TIAM1: variants seen among roughly 807,000 people sequenced by gnomAD.
TIAM1 encodes rho guanine nucleotide exchange factor TIAM1.
Under a neutral mutation model 163.5 loss-of-function variants are expected in TIAM1, and 65 were observed. The ratio of observed to expected loss-of-function variants is 0.40; its 90% CI spans 0.33 to 0.49. TIAM1 has a LOEUF of 0.49. Among genes scored for constraint, TIAM1 ranks in the 20% least tolerant of loss-of-function variants. The pLI, the probability that TIAM1 is intolerant of heterozygous loss-of-function variation, is 0.77. For synonymous variants in TIAM1, 833 were observed against 810.1 expected (o/e 1.03, Z -0.48); for missense variants, 1,789 against 2,044.7 (o/e 0.87, Z 2.41).
chr21:31,457,008 T>G (rs142009948), intron 2 of TIAM1, among the ~76,000 whole-genome samples: 1 of 152,254 alleles, frequency 6.6e-6, no homozygotes. Flanking sequence ...CCTTTTGCAA[T>G]GTTTTTCACA....
chr21:31,554,120 A>AT (rs1216421627), intron 1 of TIAM1, among the ~76,000 whole-genome samples: 1 of 152,040 alleles, frequency 6.6e-6, no homozygotes, highest in African/African-American at 2.4e-5. Flanking sequence ...CAAAGCCAGG[A>AT]TTTTTTGGCA....
intron 2 of TIAM1, among the ~76,000 whole-genome samples, chr21:31,288,012 AG>A (rs1238382601): frequency 7.2e-5 from 11 of 152,130 alleles, no homozygotes; most frequent in Non-Finnish European, 1.6e-4. Context: ...GGAAAGAAGG[AG>A]GAAGAACAAG....
At chr21:31,446,893 AG>A (rs1360515980) in intron 2 of TIAM1, among the ~76,000 whole-genome samples, 2 of 152,230 alleles carry the variant, frequency 1.3e-5, no homozygotes, top group Admixed American at 6.5e-5. Flanking sequence ...TTCATCTTAA[AG>A]AAAAGATTTA....
intron 2 of TIAM1, among the ~76,000 whole-genome samples, chr21:31,301,611 G>A (rs917024758): frequency 1.8e-4 from 28 of 152,188 alleles, no homozygotes; most frequent in Admixed American, 6.5e-4. Flanking sequence ...AGGCAGAAGA[G>A]AGTGGATCAC....
At chr21:31,205,363 A>G (rs2086397055) in intron 11 of TIAM1, among the ~76,000 whole-genome samples, 1 of 152,186 alleles carries the variant, frequency 6.6e-6, no homozygotes, top group African/African-American at 2.4e-5. Flanking sequence ...ATCATCATTA[A>G]TAAACACTTT....
intron 2 of TIAM1, among the ~76,000 whole-genome samples, chr21:31,319,288 C>T (rs1416795028): frequency 1.3e-5 from 2 of 151,714 alleles, no homozygotes; most frequent in African/African-American, 2.4e-5. Flanking sequence ...TAGTTGAGTC[C>T]CCGTTTTCAA....
chr21:31,337,200 G>A (rs2075868516), intron 2 of TIAM1, among the ~76,000 whole-genome samples: 1 of 152,148 alleles, frequency 6.6e-6, no homozygotes, highest in Non-Finnish European at 1.5e-5. Flanking sequence ...AGGTAGGGGA[G>A]ATCTTGAAGG....
intron 27 of TIAM1, 83 bp downstream of exon 27, chr21:31,124,439 C>G: frequency 6.4e-7 from 1 of 1,567,066 alleles, no homozygotes; most frequent in Non-Finnish European, 8.6e-7. Context: ...CTCACCCCCA[C>G]TCAACAAGGA....
At chr21:31,481,657 A>G (rs746583344) in intron 1 of TIAM1, among the ~76,000 whole-genome samples, 1 of 152,156 alleles carries the variant, frequency 6.6e-6, no homozygotes, top group Non-Finnish European at 1.5e-5. Flanking sequence ...CTGTTTTATG[A>G]TCAAGGACAC....
chr21:31,273,104 T>G (rs575654186), intron 3 of TIAM1, among the ~76,000 whole-genome samples: 3 of 152,150 alleles, frequency 2.0e-5, no homozygotes, highest in African/African-American at 7.2e-5. Flanking sequence ...TAAAAAAAGA[T>G]CAAAACCTGA....
In TIAM1 at chr21:31,281,098, A is replaced by AC. The variant is rs201808895; in HGVS notation, c.-188-4191_-188-4190insG. 2.4e-4 allele frequency among the ~76,000 whole-genome samples: 36 copies of AC among 150,378 alleles called. No individual in the cohort carries two copies. In the East Asian group the frequency reaches 6.6e-3, roughly 27 times the overall value. On this transcript the variant is annotated intron_variant, in intron 2 of 27. Coordinates refer to ENST00000541036, the MANE Select transcript of TIAM1 (RefSeq NM_001353694.2). ...GAGACCCTAACTCAAAAAAAAAAAA[A>AC]AAAAAAAAAACAACGACAAAAAAAC...
intron 2 of TIAM1, among the ~76,000 whole-genome samples, chr21:31,328,541 T>C (rs937281143): frequency 2.0e-5 from 3 of 151,038 alleles, no homozygotes; most frequent in Non-Finnish European, 4.4e-5. Context: ...TGGCTTATTA[T>C]TATTTTTTTT....
At chr21:31,413,052 T>C (rs12626872) in intron 2 of TIAM1, among the ~76,000 whole-genome samples, 8,878 of 152,112 alleles carry the variant, frequency 0.058, 322 homozygotes, top group East Asian at 0.11. Context: ...CTGCAATCTA[T>C]GCATGTAACA....
At chr21:31,283,575 T>G (rs2073666756) in intron 2 of TIAM1, among the ~76,000 whole-genome samples, 1 of 151,384 alleles carries the variant, frequency 6.6e-6, no homozygotes, top group Non-Finnish European at 1.5e-5. Flanking sequence ...GATGAAGTGT[T>G]GCTCTGTCGC....
chr21:31,278,071 A>C (rs933535268), intron 2 of TIAM1, among the ~76,000 whole-genome samples: 1 of 152,282 alleles, frequency 6.6e-6, no homozygotes, highest in South Asian at 2.1e-4. Flanking sequence ...CTCAATCTTC[A>C]GAGTCTCAAG....
In TIAM1 at chr21:31,557,565, G is replaced by C. The variant is rs74771618; in HGVS notation, c.-422+1362C>G. Among the ~76,000 whole-genome samples the C allele has an allele frequency of 3.9e-3, 594 of 152,276 alleles. 6 individuals carry two copies. The highest frequency in any genetic ancestry group is 0.013 in the African/African-American group (558 of 41,566). ...CGAGCAGGTACTGGAACCCGGGTTT[G>C]TTTGACCTCAGCGCACAGGCTCTAA... On this transcript the variant is annotated intron_variant, in intron 1 of 28. Transcript: ENST00000286827.
At chr21:31,137,543 G>GC (rs2082670219) in intron 22 of TIAM1, among the ~76,000 whole-genome samples, 1 of 152,018 alleles carries the variant, frequency 6.6e-6, no homozygotes, top group African/African-American at 2.4e-5. Context: ...AGAGGCCACA[G>GC]CCCCTGGGAG....
intron 1 of TIAM1, among the ~76,000 whole-genome samples, chr21:31,556,853 C>T (rs903729668): frequency 2.6e-5 from 4 of 152,228 alleles, no homozygotes; most frequent in Non-Finnish European, 5.9e-5. Flanking sequence ...TCCACCCTCC[C>T]TAGCCCAGCT....
At chr21:31,375,783 C>CT in intron 2 of TIAM1, among the ~76,000 whole-genome samples, 1 of 152,042 alleles carries the variant, frequency 6.6e-6, no homozygotes, top group East Asian at 1.9e-4. Context: ...AATCCCAGCA[C>CT]TTTGGGAGGC....
Sources: gnomAD v4.1 joint callset for allele counts (sites outside exome capture counted in the v4.1 genomes callset) on GRCh38, gnomAD v4.1.1 for gene constraint, MANE v1.5 for transcripts, NCBI Gene and HGNC (gene_info 2026-07-23, HGNC 2026-07-21) for gene names.